The following UQCC1 variants were observed in gnomAD, a reference collection of about 807,000 sequenced individuals.
UQCC1 encodes the protein bFGF-repressed Zic-binding protein.
Under a neutral mutation model 48.0 loss-of-function variants are expected in UQCC1, and 38 were observed. The ratio of observed to expected loss-of-function variants is 0.79; its 90% CI spans 0.61 to 1.04. The LOEUF is 1.04. UQCC1 is among the 50% of genes least tolerant of loss of function. The probability of loss-of-function intolerance (pLI) is 0.00; values close to 1 mark genes in which losing one functional copy is unlikely to be tolerated. For missense variants in UQCC1, 368 were observed against 381.8 expected (o/e 0.96, Z 0.30); for synonymous variants, 111 against 129.2 (o/e 0.86, Z 0.95).
chr20:35,331,492 GGCTTTCCCAAGAACA>G (rs2061257182), intron 7 of UQCC1, among the ~76,000 whole-genome samples: 1 of 151,502 alleles, frequency 6.6e-6, no homozygotes, highest in Non-Finnish European at 1.5e-5. Flanking sequence ...AACCACAAAG[GGCTTTCCCAAGAACA>G]GCAAAAACAC....
chr20:35,378,095 A>AT (rs1320377150), intron 4 of UQCC1, among the ~76,000 whole-genome samples: 2 of 152,166 alleles, frequency 1.3e-5, no homozygotes, highest in Non-Finnish European at 2.9e-5. Flanking sequence ...GGGGGACTGA[A>AT]TTTTCAACCA....
intron 7 of UQCC1, among the ~76,000 whole-genome samples, chr20:35,315,883 C>T (rs1317258457): frequency 6.6e-6 from 1 of 152,158 alleles, no homozygotes; most frequent in African/African-American, 2.4e-5. Flanking sequence ...AAGAGCCTGT[C>T]TCAAACAAAC....
intron 7 of UQCC1, among the ~76,000 whole-genome samples, chr20:35,319,341 G>A (rs1401307317): frequency 2.6e-5 from 4 of 152,202 alleles, no homozygotes; most frequent in African/African-American, 9.6e-5. Flanking sequence ...CAGGGAGGGA[G>A]CACTCAATAG....
chr20:35,385,043 C>T (rs1169285558), intron 2 of UQCC1, among the ~76,000 whole-genome samples: 1 of 138,846 alleles, frequency 7.2e-6, no homozygotes, highest in African/African-American at 2.7e-5. Context: ...TTCTAGGAAA[C>T]AGAACTGTAG....
intron 7 of UQCC1, among the ~76,000 whole-genome samples, chr20:35,328,394 T>C (rs896921469): frequency 6.6e-6 from 1 of 152,208 alleles, no homozygotes; most frequent in Non-Finnish European, 1.5e-5. Context: ...TAACAGTAAG[T>C]AAATTAGTAG....
intron 7 of UQCC1, among the ~76,000 whole-genome samples, chr20:35,335,220 T>C (rs1346986366): frequency 6.6e-6 from 1 of 152,168 alleles, no homozygotes; most frequent in Non-Finnish European, 1.5e-5. Context: ...TTACATAGTG[T>C]CACCATATGA....
chr20:35,341,240 A>G (rs911215263), intron 7 of UQCC1, among the ~76,000 whole-genome samples: 13 of 148,842 alleles, frequency 8.7e-5, no homozygotes, highest in Non-Finnish European at 1.6e-4. Context: ...AAAAAAAAAG[A>G]AAGAAAGAAA....
intron 7 of UQCC1, among the ~76,000 whole-genome samples, chr20:35,324,942 G>A (rs560685072): frequency 1.9e-4 from 29 of 152,190 alleles, no homozygotes; most frequent in Non-Finnish European, 3.8e-4. Context: ...CAACCCAAGT[G>A]TCCAATGACA....
intron 6 of UQCC1, among the ~76,000 whole-genome samples, chr20:35,348,948 C>A (rs369603148): frequency 6.6e-6 from 1 of 152,166 alleles, no homozygotes; most frequent in Non-Finnish European, 1.5e-5. Flanking sequence ...AGGCACCATG[C>A]CTGGCAGACT....
intron 2 of UQCC1, among the ~76,000 whole-genome samples, chr20:35,389,730 G>A (rs1382014196): frequency 6.6e-6 from 1 of 152,136 alleles, no homozygotes; most frequent in East Asian, 1.9e-4. Flanking sequence ...TAGGAATGAT[G>A]GAAATAAAAA....
chr20:35,390,556 T>C (rs2062001760), intron 2 of UQCC1, among the ~76,000 whole-genome samples: 1 of 152,074 alleles, frequency 6.6e-6, no homozygotes, highest in African/African-American at 2.4e-5. Flanking sequence ...TATGCTTAAA[T>C]TAACATTACT....
In UQCC1 at chr20:35,392,313, C is replaced by T. The variant is rs141714003; in HGVS notation, c.129+1779G>A. The T allele has an allele frequency of 6.7e-4, 866 of 1,302,166 alleles. 8 individuals carry two copies. The African/African-American group carries it at 0.012, about 18-fold the overall frequency. 80.7% of individuals were successfully genotyped at this position (1,302,166 alleles called of 1,614,324 possible). A position where few individuals can be genotyped will look rare whatever the true frequency, so the allele number is the denominator to read the frequency against. On this transcript the variant is annotated intron_variant, in intron 2 of 9. Coordinates refer to ENST00000374385, the MANE Select transcript of UQCC1 (RefSeq NM_018244.5). The stretch of plus-strand genomic sequence containing the variant: ...GGAAGATACTCCAGTAAGTTACAGT[C>T]GATACGACAAAAGGTCCAGTTGATT...
At chr20:35,321,298 G>A (rs1026551576) in intron 7 of UQCC1, among the ~76,000 whole-genome samples, 16 of 151,966 alleles carry the variant, frequency 1.1e-4, no homozygotes, top group East Asian at 3.9e-4. Context: ...GCGCGCGCGC[G>A]CACGCTCAGG....
At chr20:35,336,603 A>C (rs974847507) in intron 7 of UQCC1, among the ~76,000 whole-genome samples, 15 of 152,096 alleles carry the variant, frequency 9.9e-5, no homozygotes, top group Admixed American at 5.9e-4. Context: ...CCTCCAGAAG[A>C]AGCACAGCCC....
intron 2 of UQCC1, 22 bp from the exon 3 acceptor site, chr20:35,384,155 CT>C (rs1358526278): frequency 6.3e-7 from 1 of 1,579,344 alleles, no homozygotes; most frequent in Non-Finnish European, 8.7e-7. Context: ...AAACACAGAT[CT>C]ATGCAACACT....
Position 35,339,148 on chromosome 20 carries a change from A to T in UQCC1, c.573+8016T>A, listed in dbSNP as rs137880159. Among the ~76,000 whole-genome samples the T allele has an allele frequency of 4.5e-3, 688 of 152,006 alleles. 5 individuals carry two copies. The highest frequency in any genetic ancestry group is 0.016 in the African/African-American group (665 of 41,424). ...AATTGAATCCAAGTGTAATCAGAGA[A>T]GATCATTCTTCAGTCAGTATTTGGA... On this transcript the variant is annotated intron_variant, in intron 7 of 9. Coordinates refer to ENST00000374385, the MANE Select transcript of UQCC1 (RefSeq NM_018244.5).
intron 7 of UQCC1, among the ~76,000 whole-genome samples, chr20:35,331,437 G>A (rs1429124934): frequency 1.3e-5 from 2 of 151,240 alleles, no homozygotes; most frequent in Non-Finnish European, 2.9e-5. Flanking sequence ...ACAGAGCAGA[G>A]TAGGAGGTGT....
At chr20:35,374,072 G>C in intron 5 of UQCC1, 112 bp downstream of exon 5, 1 of 754,950 alleles carries the variant, frequency 1.3e-6, no homozygotes, top group Non-Finnish European at 2.2e-6. Flanking sequence ...TATGCTTTGT[G>C]CAGGAAAAAC....
chr20:35,333,147 C>T (rs1334291047), intron 7 of UQCC1, among the ~76,000 whole-genome samples: 4 of 151,998 alleles, frequency 2.6e-5, no homozygotes, highest in Non-Finnish European at 4.4e-5. Flanking sequence ...TTTTGAAATC[C>T]GTCAGCTCTG....
Sources: allele counts gnomAD v4.1 joint callset (sites outside exome capture counted in the v4.1 genomes callset), GRCh38; gene constraint gnomAD v4.1.1; transcripts MANE v1.5; gene names NCBI Gene and HGNC (gene_info 2026-07-23, HGNC 2026-07-21).